Variants in RABGAP1 observed in about 807,000 individuals in gnomAD.
RABGAP1 encodes RAB GTPase activating protein 1, also known as rab GTPase-activating protein 1.
Under a neutral mutation model 137.6 loss-of-function variants are expected in RABGAP1, and 23 were observed. That is an observed-to-expected ratio of 0.17 (90% CI 0.12 to 0.24). The LOEUF (loss-of-function observed/expected upper bound fraction) is 0.24, where lower values mean the gene tolerates loss of function less well. Among genes scored for constraint, RABGAP1 ranks in the 10% least tolerant of loss-of-function variants. RABGAP1 has a pLI of 1.00. For synonymous variants in RABGAP1, 451 were observed against 450.7 expected (o/e 1.00, Z -0.01); for missense variants, 906 against 1,275.8 (o/e 0.71, Z 4.42).
At chr9:123,074,223 C>G in intron 16 of RABGAP1, 62 bp from the exon 17 acceptor site, 2 of 1,580,598 alleles carry the variant, frequency 1.3e-6, no homozygotes, top group Non-Finnish European at 1.7e-6. Context: ...GATTTATGAG[C>G]CTCCTTAGTG....
At chr9:123,004,920 G>A (rs2030074629) in intron 10 of RABGAP1, among the ~76,000 whole-genome samples, 1 of 151,920 alleles carries the variant, frequency 6.6e-6, no homozygotes, top group Non-Finnish European at 1.5e-5. Flanking sequence ...GCTGGGTGTG[G>A]TGGTGCACAT....
intron 13 of RABGAP1, among the ~76,000 whole-genome samples, chr9:123,036,334 G>T (rs1219287019): frequency 6.6e-6 from 1 of 152,210 alleles, no homozygotes; most frequent in Non-Finnish European, 1.5e-5. Context: ...AAAGATATGT[G>T]TGCGTAGAAG....
At chr9:123,012,434 A>G (rs1290477478) in intron 11 of RABGAP1, among the ~76,000 whole-genome samples, 2 of 152,268 alleles carry the variant, frequency 1.3e-5, no homozygotes, top group African/African-American at 2.4e-5. Context: ...GAATGCTCAA[A>G]TCTTCATACC....
chr9:123,082,523 C>T (rs139027105), intron 19 of RABGAP1, among the ~76,000 whole-genome samples: 150 of 152,326 alleles, frequency 9.8e-4, no homozygotes, highest in African/African-American at 3.4e-3. Context: ...GCTCTTTCTT[C>T]ATGTCTGTAT....
chr9:123,011,317 A>G (rs746056313), intron 11 of RABGAP1, among the ~76,000 whole-genome samples: 3 of 152,156 alleles, frequency 2.0e-5, no homozygotes, highest in Non-Finnish European at 4.4e-5. Flanking sequence ...TTCAGTTGGG[A>G]CTTTTAAGTG....
intron 13 of RABGAP1, among the ~76,000 whole-genome samples, chr9:123,064,196 C>A (rs551496008): frequency 9.2e-5 from 14 of 152,190 alleles, no homozygotes; most frequent in Non-Finnish European, 1.5e-4. Context: ...CTGCTGTAGT[C>A]ATAGATCTCC....
At chr9:123,025,830 G>A (rs1319795152) in intron 13 of RABGAP1, among the ~76,000 whole-genome samples, 1 of 151,604 alleles carries the variant, frequency 6.6e-6, no homozygotes, top group Non-Finnish European at 1.5e-5. Context: ...AGTAAAAACG[G>A]TTTTACCTCT....
chr9:122,934,081 CTTTTTTTTTT>C, the RABGAP1 span, among the ~76,000 whole-genome samples: 1 of 139,684 alleles, frequency 7.2e-6, no homozygotes, highest in African/African-American at 2.7e-5. Context: ...CTTTTCTTTT[CTTTTTTTTTT>C]TTTTGAGACA....
At chr9:122,942,682 A>AAAAAAC (rs1554781081) in intron 1 of RABGAP1, among the ~76,000 whole-genome samples, 5 of 151,072 alleles carry the variant, frequency 3.3e-5, no homozygotes, top group South Asian at 2.1e-4. Context: ...AAAAAAAAAA[A>AAAAAAC]AAAAAACACA....
intron 1 of RABGAP1, among the ~76,000 whole-genome samples, chr9:122,953,611 G>A (rs970679542): frequency 3.3e-5 from 5 of 152,164 alleles, no homozygotes; most frequent in Non-Finnish European, 7.4e-5. Context: ...GTGTTGGCCA[G>A]GATGGTCTCG....
At chr9:122,977,086 T>G (rs148718104) in intron 2 of RABGAP1, among the ~76,000 whole-genome samples, 24 of 152,322 alleles carry the variant, frequency 1.6e-4, no homozygotes, top group African/African-American at 5.8e-4. Context: ...GGGCTTTATC[T>G]TGTGGGCATT....
At chr9:122,968,498 C>T (rs1026709299) in intron 2 of RABGAP1, among the ~76,000 whole-genome samples, 1 of 152,242 alleles carries the variant, frequency 6.6e-6, no homozygotes, top group Non-Finnish European at 1.5e-5. Context: ...GCTAGGATTA[C>T]AGGCATGAGA....
chr9:122,953,574 A>G (rs1834363752), intron 1 of RABGAP1, among the ~76,000 whole-genome samples: 1 of 152,054 alleles, frequency 6.6e-6, no homozygotes, highest in Middle Eastern at 3.4e-3. Flanking sequence ...GCTAATTTTT[A>G]TATTTTAGTA....
chr9:123,017,405 T>C (rs2031312697), intron 12 of RABGAP1, among the ~76,000 whole-genome samples: 1 of 152,196 alleles, frequency 6.6e-6, no homozygotes, highest in Admixed American at 6.5e-5. Flanking sequence ...TCTGCCATCT[T>C]TCAGGGTATT....
intron 13 of RABGAP1, among the ~76,000 whole-genome samples, chr9:123,046,624 G>A (rs925095601): frequency 1.3e-5 from 2 of 152,208 alleles, no homozygotes; most frequent in African/African-American, 4.8e-5. Context: ...TGCATGTAAA[G>A]CTCTTAGCGT....
intron 13 of RABGAP1, chr9:123,062,136 C>G (rs2033997246): frequency 6.6e-6 from 1 of 152,256 alleles, no homozygotes; most frequent in Non-Finnish European, 1.5e-5. Flanking sequence ...GGCGTGGTGG[C>G]ACATGCCTGT....
At chr9:122,967,049 G>A (rs1835196691) in intron 2 of RABGAP1, among the ~76,000 whole-genome samples, 1 of 152,142 alleles carries the variant, frequency 6.6e-6, no homozygotes. Flanking sequence ...GATTTGGGTG[G>A]GGACACAGCC....
At chr9:122,985,350 C>G (rs538858718) in intron 3 of RABGAP1, among the ~76,000 whole-genome samples, 1 of 152,346 alleles carries the variant, frequency 6.6e-6, no homozygotes, top group African/African-American at 2.4e-5. Flanking sequence ...CGCAGTGGCT[C>G]ACGCCTGTGA....
intron 1 of RABGAP1, among the ~76,000 whole-genome samples, chr9:122,954,510 T>A (rs1834407882): frequency 6.6e-6 from 1 of 152,256 alleles, no homozygotes; most frequent in African/African-American, 2.4e-5. Context: ...TCTCAGTTCC[T>A]TAGTGTAATT....
Sources: gnomAD v4.1 joint callset for allele counts (sites outside exome capture counted in the v4.1 genomes callset) on GRCh38, gnomAD v4.1.1 for gene constraint, MANE v1.5 for transcripts, NCBI Gene and HGNC (gene_info 2026-07-23, HGNC 2026-07-21) for gene names.